The following CNTNAP2 variants were observed in gnomAD, a reference collection of about 807,000 sequenced individuals.
CNTNAP2 encodes the protein contactin associated protein 2.
CNTNAP2 carries 98 observed loss-of-function variants against 155.2 expected under a neutral mutation model. That is an observed-to-expected ratio of 0.63 (90% CI 0.54 to 0.75). The LOEUF (loss-of-function observed/expected upper bound fraction) is 0.75. Among genes scored for constraint, CNTNAP2 ranks in the 30% least tolerant of loss-of-function variants. CNTNAP2 has a pLI of 0.00. For missense variants in CNTNAP2, 1,727 were observed against 1,688.1 expected (o/e 1.02, Z -0.40); for synonymous variants, 651 against 631.2 (o/e 1.03, Z -0.47).
At chr7:146,503,161 T>C (rs921423743) in intron 1 of CNTNAP2, among the ~76,000 whole-genome samples, 1 of 152,222 alleles carries the variant, frequency 6.6e-6, no homozygotes, top group Non-Finnish European at 1.5e-5. Context: ...TTATTGATTA[T>C]TTCCTTTGCA....
chr7:147,042,595 A>C (rs537660210), intron 3 of CNTNAP2, among the ~76,000 whole-genome samples: 4 of 152,150 alleles, frequency 2.6e-5, no homozygotes, highest in Non-Finnish European at 5.9e-5. Flanking sequence ...TGAGTAGTCT[A>C]ACTTTAAAAC....
intron 3 of CNTNAP2, among the ~76,000 whole-genome samples, chr7:146,842,981 G>T (rs1437164418): frequency 1.7e-5 from 2 of 115,044 alleles, no homozygotes; most frequent in African/African-American, 6.3e-5. Flanking sequence ...CACCACGCCC[G>T]GCCTGTCCCA....
At chr7:148,209,334 A>G (rs538240623) in intron 18 of CNTNAP2, among the ~76,000 whole-genome samples, 3 of 127,702 alleles carry the variant, frequency 2.3e-5, no homozygotes, top group South Asian at 4.9e-4. Context: ...GGGTCCCCCT[A>G]TGTTGTCCAG....
In CNTNAP2 at chr7:146,131,977, G is replaced by GT. The variant is rs1797721232; in HGVS notation, c.97+15005dup. ...GTCTGCTTTCCTTTCTGCCGTGATT[G>GT]TAAGTTTCCTTAGGACTCCCCAGTT... is the stretch of plus-strand genomic sequence containing the variant. On this transcript the variant is annotated intron_variant, in intron 1 of 23. Coordinates refer to ENST00000361727, the MANE Select transcript of CNTNAP2 (RefSeq NM_014141.6). 2.6e-5 allele frequency among the ~76,000 whole-genome samples: 4 copies of GT among 152,240 alleles called. No individual in the cohort carries two copies. In the South Asian group the frequency reaches 8.3e-4, roughly 32 times the overall value.
chr7:147,166,550 G>A (rs1447088548), intron 8 of CNTNAP2, among the ~76,000 whole-genome samples: 1 of 152,146 alleles, frequency 6.6e-6, no homozygotes, highest in African/African-American at 2.4e-5. Context: ...AATAAAAAAT[G>A]TTAAGTTTCT....
chr7:147,597,185 G>T (rs1800840741), intron 12 of CNTNAP2, among the ~76,000 whole-genome samples: 1 of 152,072 alleles, frequency 6.6e-6, no homozygotes, highest in South Asian at 2.1e-4. Flanking sequence ...CCATGGACTT[G>T]CTCTGAGTTC....
chr7:148,288,723 G>A (rs533374080), intron 21 of CNTNAP2, among the ~76,000 whole-genome samples: 46 of 151,696 alleles, frequency 3.0e-4, no homozygotes, highest in African/African-American at 1.1e-3. Context: ...CTTTTCAAAA[G>A]AGTCAAACAT....
intron 1 of CNTNAP2, among the ~76,000 whole-genome samples, chr7:146,514,688 C>G (rs571978791): frequency 1.3e-5 from 2 of 151,694 alleles, no homozygotes; most frequent in South Asian, 2.1e-4. Flanking sequence ...AGTAACTCAA[C>G]TCATACCATC....
intron 4 of CNTNAP2, among the ~76,000 whole-genome samples, chr7:147,080,371 C>T (rs182028949): frequency 1.4e-4 from 22 of 152,094 alleles, no homozygotes; most frequent in African/African-American, 5.1e-4. Flanking sequence ...TACTCAACTT[C>T]GTATCCAGAC....
At chr7:147,226,459 T>C (rs186026437) in intron 8 of CNTNAP2, among the ~76,000 whole-genome samples, 1 of 152,120 alleles carries the variant, frequency 6.6e-6, no homozygotes, top group Admixed American at 6.5e-5. Context: ...CTTGGAAATA[T>C]CATGGAAATG....
chr7:147,753,842 A>G (rs757379292), intron 13 of CNTNAP2, among the ~76,000 whole-genome samples: 4 of 152,200 alleles, frequency 2.6e-5, no homozygotes, highest in Non-Finnish European at 4.4e-5. Context: ...CAATAATTAG[A>G]ACTTTGAGGG....
chr7:146,563,367 C>G (rs1798310091), intron 1 of CNTNAP2, among the ~76,000 whole-genome samples: 1 of 152,068 alleles, frequency 6.6e-6, no homozygotes, highest in Non-Finnish European at 1.5e-5. Flanking sequence ...CACTATTGAA[C>G]TATCCCAGCT....
intron 1 of CNTNAP2, among the ~76,000 whole-genome samples, chr7:146,579,607 G>T (rs574384915): frequency 1.3e-5 from 2 of 151,978 alleles, no homozygotes; most frequent in Non-Finnish European, 2.9e-5. Context: ...CTGACTGCCC[G>T]CTAGAGACTC....
intron 6 of CNTNAP2, among the ~76,000 whole-genome samples, chr7:147,126,314 T>C (rs1404398941): frequency 2.0e-5 from 3 of 152,172 alleles, no homozygotes; most frequent in Non-Finnish European, 2.9e-5. Flanking sequence ...GGCAAGGTTA[T>C]TGGATGGCAA....
intron 3 of CNTNAP2, among the ~76,000 whole-genome samples, chr7:146,882,323 A>G (rs115553642): frequency 0.018 from 2,667 of 152,150 alleles, 81 homozygotes; most frequent in African/African-American, 0.059. Context: ...TTGGGAATAT[A>G]CCCAGTGATA....
chr7:148,342,535 A>G (rs549718499), intron 21 of CNTNAP2, among the ~76,000 whole-genome samples: 1 of 152,372 alleles, frequency 6.6e-6, no homozygotes, highest in South Asian at 2.1e-4. Flanking sequence ...ATCTTGGTAT[A>G]TCTGTGCATA....
At chr7:146,656,704 T>C (rs1800001054) in intron 1 of CNTNAP2, among the ~76,000 whole-genome samples, 1 of 152,224 alleles carries the variant, frequency 6.6e-6, no homozygotes, top group African/African-American at 2.4e-5. Flanking sequence ...TGTGAATTGA[T>C]GACTAAAGTA....
At chr7:147,063,396 C>A (rs907425809) in intron 4 of CNTNAP2, among the ~76,000 whole-genome samples, 21 of 152,038 alleles carry the variant, frequency 1.4e-4, no homozygotes, top group African/African-American at 4.8e-4. Flanking sequence ...GCAATTTACA[C>A]TAGAGGATAA....
rs1180535924 is a variant in CNTNAP2 at position 148,093,251 on chromosome 7, CT to C, written c.2384-24865del. On this transcript the variant is annotated intron_variant, in intron 15 of 23. Coordinates refer to ENST00000361727, the MANE Select transcript of CNTNAP2 (RefSeq NM_014141.6). ...TAGAAAAAATAATAATAAATAGAGC[CT>C]TGTGATCATATATGTGCATCAACAC... 2.6e-5 allele frequency among the ~76,000 whole-genome samples: 4 copies of C among 151,954 alleles called. No individual in the cohort carries two copies. The East Asian group carries it at 5.8e-4, about 22-fold the overall frequency.
Sources: allele counts gnomAD v4.1 joint callset (sites outside exome capture counted in the v4.1 genomes callset), GRCh38; gene constraint gnomAD v4.1.1; transcripts MANE v1.5; gene names NCBI Gene and HGNC (gene_info 2026-07-23, HGNC 2026-07-21).